Variants in NKAIN2 observed in about 807,000 individuals in gnomAD.
NKAIN2 encodes the protein sodium/potassium-transporting ATPase subunit beta-1-interacting protein 2.
In NKAIN2, 14 loss-of-function variants were observed where a neutral mutation model predicts 32.6. The ratio of observed to expected loss-of-function variants is 0.43; its 90% CI spans 0.28 to 0.67. The LOEUF is 0.67. Among genes scored for constraint, NKAIN2 ranks in the 30% least tolerant of loss-of-function variants. The probability of loss-of-function intolerance (pLI) is 0.17; values close to 1 mark genes in which losing one functional copy is unlikely to be tolerated. For synonymous variants in NKAIN2, 80 were observed against 87.2 expected (o/e 0.92, Z 0.46); for missense variants, 198 against 258.3 (o/e 0.77, Z 1.60).
At chr6:124,092,521 G>A (rs1465672090) in intron 1 of NKAIN2, among the ~76,000 whole-genome samples, 2 of 151,726 alleles carry the variant, frequency 1.3e-5, no homozygotes, top group African/African-American at 4.8e-5. Context: ...TTCCTTTGTG[G>A]GGCACTAGAT....
At chr6:124,280,666 C>A (rs1053772915) in intron 1 of NKAIN2, among the ~76,000 whole-genome samples, 1 of 152,120 alleles carries the variant, frequency 6.6e-6, no homozygotes, top group Admixed American at 6.6e-5. Flanking sequence ...TCTCTCCATC[C>A]CTGCACTCCC....
At chr6:124,477,800 T>TC (rs1279576187) in intron 3 of NKAIN2, among the ~76,000 whole-genome samples, 1 of 117,684 alleles carries the variant, frequency 8.5e-6, no homozygotes, top group Non-Finnish European at 1.8e-5. Context: ...CTCTTCCCCT[T>TC]CCCCCCTCCT....
intron 1 of NKAIN2, among the ~76,000 whole-genome samples, chr6:124,015,687 C>T (rs2114746293): frequency 6.6e-6 from 1 of 152,256 alleles, no homozygotes; most frequent in African/African-American, 2.4e-5. Flanking sequence ...GTCATTAGTA[C>T]TTATAACATC....
chr6:123,833,832 A>G (rs1774494755), intron 1 of NKAIN2, among the ~76,000 whole-genome samples: 1 of 151,102 alleles, frequency 6.6e-6, no homozygotes, highest in African/African-American at 2.4e-5. Flanking sequence ...GGTTCAAGCA[A>G]TTCTCCTGGC....
chr6:124,445,257 A>T lies in NKAIN2; in HGVS notation c.273+89910A>T, dbSNP rs1224867457. Among the ~76,000 whole-genome samples the T allele has an allele frequency of 2.0e-5, 3 of 152,128 alleles. No homozygotes were observed. The East Asian group carries it at 5.8e-4, about 29-fold the overall frequency. ...TTAGAAGGTGGAGGAAAAGTATATC[A>T]TTCACTTTTTGGTTTTTGCTCTTCT... On this transcript the variant is annotated intron_variant, in intron 3 of 6. Transcript: ENST00000368417.
chr6:124,461,239 C>G (rs565397230), intron 3 of NKAIN2, among the ~76,000 whole-genome samples: 14 of 151,842 alleles, frequency 9.2e-5, no homozygotes, highest in Non-Finnish European at 1.6e-4. Context: ...TAAAATGACT[C>G]TACAAAATTA....
intron 1 of NKAIN2, among the ~76,000 whole-genome samples, chr6:123,858,181 TCTC>T (rs908726453): frequency 6.6e-6 from 1 of 151,970 alleles, no homozygotes; most frequent in African/African-American, 2.4e-5. Context: ...AGTGGCGTGA[TCTC>T]AGCTCACTGC....
At chr6:124,118,870 A>G (rs916613462) in intron 1 of NKAIN2, among the ~76,000 whole-genome samples, 4 of 152,142 alleles carry the variant, frequency 2.6e-5, no homozygotes, top group East Asian at 3.9e-4. Context: ...CCTTTGTAGC[A>G]TGAAAGAAAC....
At chr6:124,072,274 C>T (rs982317922) in intron 1 of NKAIN2, among the ~76,000 whole-genome samples, 3 of 151,974 alleles carry the variant, frequency 2.0e-5, no homozygotes, top group Admixed American at 2.0e-4. Flanking sequence ...GAGCTAGACA[C>T]TGGGTGCTCA....
intron 4 of NKAIN2, among the ~76,000 whole-genome samples, chr6:124,698,302 T>A (rs941447694): frequency 3.4e-4 from 52 of 152,158 alleles, no homozygotes; most frequent in African/African-American, 1.2e-3. Flanking sequence ...CATCATAAAA[T>A]TGACCTTTTT....
intron 4 of NKAIN2, among the ~76,000 whole-genome samples, chr6:124,761,345 A>C (rs1408190848): frequency 6.6e-6 from 1 of 152,132 alleles, no homozygotes; most frequent in Non-Finnish European, 1.5e-5. Flanking sequence ...TGATAACCCC[A>C]TTTATACTCA....
In NKAIN2 at chr6:124,810,731, G is replaced by GA. The variant is rs772731163; in HGVS notation, c.536-7652dup. 3.9e-5 allele frequency among the ~76,000 whole-genome samples: 6 copies of GA among 152,112 alleles called. No homozygotes were observed. The East Asian group carries it at 9.7e-4, about 24-fold the overall frequency. On this transcript the variant is annotated intron_variant, in intron 5 of 6. Coordinates refer to ENST00000368417, the MANE Select transcript of NKAIN2 (RefSeq NM_001040214.3). The stretch of plus-strand genomic sequence containing the variant: ...GAAAAATAAGGCCCTAAAACCCTGA[G>GA]AAAACATATTTGATGAACAAGTTTA...
At chr6:123,934,924 T>A (rs1002976376) in intron 1 of NKAIN2, among the ~76,000 whole-genome samples, 2 of 151,476 alleles carry the variant, frequency 1.3e-5, no homozygotes, top group African/African-American at 4.8e-5. Context: ...GTTTGAGTAG[T>A]TTTCCTAAAA....
At chr6:124,477,288 T>A (rs1426400419) in intron 3 of NKAIN2, among the ~76,000 whole-genome samples, 1 of 152,092 alleles carries the variant, frequency 6.6e-6, no homozygotes. Flanking sequence ...GAGCTTCCCT[T>A]TGTGGCCCTA....
intron 4 of NKAIN2, among the ~76,000 whole-genome samples, chr6:124,736,919 A>G (rs1776973245): frequency 1.3e-5 from 2 of 152,116 alleles, no homozygotes; most frequent in South Asian, 4.1e-4. Flanking sequence ...ATTTTTAAAA[A>G]GTATATTTTA....
chr6:124,124,736 G>C (rs1786076521), intron 1 of NKAIN2, among the ~76,000 whole-genome samples: 1 of 152,114 alleles, frequency 6.6e-6, no homozygotes, highest in Non-Finnish European at 1.5e-5. Context: ...GCATGATTTA[G>C]TAAATATTGT....
intron 3 of NKAIN2, among the ~76,000 whole-genome samples, chr6:124,369,919 G>A (rs953894469): frequency 1.2e-4 from 13 of 106,436 alleles, no homozygotes; most frequent in Non-Finnish European, 2.2e-4. Context: ...TTCACTCTGG[G>A]ACAATTGATG....
intron 3 of NKAIN2, among the ~76,000 whole-genome samples, chr6:124,554,008 A>G (rs992669522): frequency 6.6e-6 from 1 of 152,232 alleles, no homozygotes; most frequent in Non-Finnish European, 1.5e-5. Context: ...CTTTATGCCA[A>G]TAACAAAATG....
At chr6:123,869,958 T>G (rs79182688) in intron 1 of NKAIN2, among the ~76,000 whole-genome samples, 8,534 of 152,226 alleles carry the variant, frequency 0.056, 557 homozygotes, top group African/African-American at 0.16. Flanking sequence ...TTTTTGTAAG[T>G]TGAAAATATT....
Sources: gnomAD v4.1 joint callset for allele counts (sites outside exome capture counted in the v4.1 genomes callset) on GRCh38, gnomAD v4.1.1 for gene constraint, MANE v1.5 for transcripts, NCBI Gene and HGNC (gene_info 2026-07-23, HGNC 2026-07-21) for gene names.